Variants in KIF6 observed in about 807,000 individuals in gnomAD.
The protein encoded by KIF6 is kinesin family member 6.
Under a neutral mutation model 112.7 loss-of-function variants are expected in KIF6, and 106 were observed. The observed-to-expected ratio is 0.94, with a 90% CI of 0.80 to 1.11. KIF6 has a LOEUF of 1.11. Ranked by LOEUF, KIF6 falls within the 50% of genes least tolerant of loss-of-function variation. The pLI, the probability that KIF6 is intolerant of heterozygous loss-of-function variation, is 0.00. For missense variants in KIF6, 929 were observed against 964.0 expected, an observed-to-expected ratio of 0.96 and a Z score of 0.48; for synonymous variants, 339 against 339.9, an observed-to-expected ratio of 1.00 and a Z score of 0.03.
chr6:39,715,883 A>G (rs554506394), intron 2 of KIF6, among the ~76,000 whole-genome samples: 2 of 152,306 alleles, frequency 1.3e-5, no homozygotes, highest in East Asian at 3.9e-4. Flanking sequence ...AGCTTCAGAT[A>G]TGAACACCAA....
chr6:39,673,009 T>C (rs868044887), intron 3 of KIF6, among the ~76,000 whole-genome samples: 2 of 152,140 alleles, frequency 1.3e-5, no homozygotes, highest in Admixed American at 6.5e-5. Context: ...CAAAAGGAAG[T>C]GAGGTAGCCA....
At chr6:39,625,280 T>C (rs1784033248) in intron 5 of KIF6, among the ~76,000 whole-genome samples, 1 of 152,148 alleles carries the variant, frequency 6.6e-6, no homozygotes, top group Admixed American at 6.5e-5. Flanking sequence ...ACAATCTCCT[T>C]CAATTGGCTA....
chr6:39,536,101 A>G (rs1157138250), intron 13 of KIF6, among the ~76,000 whole-genome samples: 3 of 151,542 alleles, frequency 2.0e-5, no homozygotes, highest in Non-Finnish European at 4.4e-5. Flanking sequence ...AATGCCCACA[A>G]GAGAAAGCAG....
chr6:39,681,609 A>C (rs1332684973), intron 3 of KIF6, among the ~76,000 whole-genome samples: 2 of 152,192 alleles, frequency 1.3e-5, no homozygotes, highest in Non-Finnish European at 2.9e-5. Context: ...CCCAAAGCCA[A>C]CATTCCATGT....
At chr6:39,654,623 C>T (rs1785662648) in intron 3 of KIF6, among the ~76,000 whole-genome samples, 2 of 152,174 alleles carry the variant, frequency 1.3e-5, no homozygotes, top group African/African-American at 4.8e-5. Context: ...AAAATATTTA[C>T]ATTTAAAGTC....
intron 13 of KIF6, among the ~76,000 whole-genome samples, chr6:39,449,964 C>A (rs1239129105): frequency 6.6e-6 from 1 of 152,222 alleles, no homozygotes; most frequent in African/African-American, 2.4e-5. Flanking sequence ...CCTCACTATT[C>A]TGCTGTCTCT....
At position 39,342,787 on chromosome 6, in the gene KIF6, A is replaced by G; in HGVS notation, c.2428+922T>C. Reference sequence around the variant, plus strand: ...AGGCTGGCGGCCAAGCAAGGCGAGTACAGGACCAAGGCCGGCTCTCAGTTG... The same window carrying G: ...AGGCTGGCGGCCAAGCAAGGCGAGTGCAGGACCAAGGCCGGCTCTCAGTTG... On this transcript the variant is annotated intron_variant, in intron 22 of 22. Coordinates refer to ENST00000287152, the MANE Select transcript of KIF6 (RefSeq NM_145027.6). This position sits in a 1 kb window ranked among gnomAD's most constrained non-coding sequence, Gnocchi z 4.7. The G allele has an allele frequency of 2.0e-6, 2 of 985,304 alleles. No homozygotes were observed. The highest frequency in any genetic ancestry group is 2.4e-6 in the Non-Finnish European group (2 of 829,892). 61.0% of individuals were successfully genotyped at this position (985,304 alleles called of 1,614,324 possible).
intron 16 of KIF6, among the ~76,000 whole-genome samples, chr6:39,384,369 G>C (rs1251068225): frequency 1.3e-5 from 2 of 152,224 alleles, no homozygotes; most frequent in Non-Finnish European, 2.9e-5. Context: ...CCTGGCCCAA[G>C]GAGTTAGGGC....
intron 14 of KIF6, 126 bp from the exon 15 acceptor site, chr6:39,420,129 C>G: frequency 1.5e-6 from 1 of 663,300 alleles, no homozygotes; most frequent in South Asian, 1.9e-5. Flanking sequence ...AAAGAAAAAT[C>G]TAAATAAGTA....
chr6:39,622,607 CCTAA>C (rs1783888533), intron 5 of KIF6, among the ~76,000 whole-genome samples: 1 of 152,142 alleles, frequency 6.6e-6, no homozygotes, highest in African/African-American at 2.4e-5. Context: ...TCCCCTTCTC[CCTAA>C]CTATTAGGCT....
intron 5 of KIF6, among the ~76,000 whole-genome samples, chr6:39,617,352 A>G (rs1783574869): frequency 6.6e-6 from 1 of 152,168 alleles, no homozygotes; most frequent in Non-Finnish European, 1.5e-5. Context: ...CTTGTTCTCA[A>G]TAATGGAAGC....
intron 5 of KIF6, among the ~76,000 whole-genome samples, chr6:39,619,076 A>C (rs1050320635): frequency 2.6e-5 from 4 of 152,194 alleles, no homozygotes; most frequent in African/African-American, 9.6e-5. Flanking sequence ...TTTAGAAACT[A>C]AGTTAGTTAA....
At chr6:39,693,104 C>T (rs1165378660) in intron 3 of KIF6, among the ~76,000 whole-genome samples, 2 of 152,182 alleles carry the variant, frequency 1.3e-5, no homozygotes. Flanking sequence ...GCATATGCCC[C>T]TGGGAGGTTG....
chr6:39,682,768 T>C (rs1183851913), intron 3 of KIF6, among the ~76,000 whole-genome samples: 7 of 152,254 alleles, frequency 4.6e-5, no homozygotes, highest in East Asian at 3.9e-4. Context: ...TTAGTAGAGA[T>C]GGGGTTTCAC....
chr6:39,460,660 A>C (rs1360018716), intron 13 of KIF6, among the ~76,000 whole-genome samples: 1 of 152,140 alleles, frequency 6.6e-6, no homozygotes, highest in Middle Eastern at 3.2e-3. Context: ...ATAAAAAAGA[A>C]CATAATAGTA....
chr6:39,346,035 T>G (rs1191834038), intron 20 of KIF6, among the ~76,000 whole-genome samples: 1 of 132,662 alleles, frequency 7.5e-6, no homozygotes, highest in African/African-American at 2.8e-5. Flanking sequence ...AAGAGGAGGA[T>G]GAGAAACTAC....
chr6:39,696,482 C>A (rs1290028786), intron 3 of KIF6, among the ~76,000 whole-genome samples: 1 of 151,964 alleles, frequency 6.6e-6, no homozygotes, highest in Non-Finnish European at 1.5e-5. Flanking sequence ...CCCTAGTGAC[C>A]AGAAAGCTGC....
intron 15 of KIF6, among the ~76,000 whole-genome samples, chr6:39,417,130 G>A (rs746747815): frequency 5.9e-5 from 9 of 152,150 alleles, no homozygotes. Flanking sequence ...GTCCTTCAAG[G>A]TTGCCTTGGA....
chr6:39,691,667 T>A (rs986079112), intron 3 of KIF6: 4 of 152,206 alleles, frequency 2.6e-5, no homozygotes, highest in Admixed American at 2.6e-4. Context: ...GAGAAAAACA[T>A]GTTTACATAA....
Sources: allele counts gnomAD v4.1 joint callset (sites outside exome capture counted in the v4.1 genomes callset), GRCh38; gene constraint gnomAD v4.1.1; non-coding constraint Gnocchi (gnomAD v3.1); transcripts MANE v1.5; gene names NCBI Gene and HGNC (gene_info 2026-07-23, HGNC 2026-07-21).